The following PTPRM variants were observed in gnomAD, a reference collection of about 807,000 sequenced individuals.
PTPRM encodes the protein protein tyrosine phosphatase receptor type M.
Under a neutral mutation model 186.7 loss-of-function variants are expected in PTPRM, and 47 were observed. That is an observed-to-expected ratio of 0.25 (90% CI 0.20 to 0.32). PTPRM has a LOEUF of 0.32. PTPRM is among the 10% of genes least tolerant of loss of function. PTPRM has a pLI of 1.00. For missense variants in PTPRM, 1,494 were observed against 1,865.0 expected, an observed-to-expected ratio of 0.80 and a Z score of 3.66; for synonymous variants, 668 against 674.9, an observed-to-expected ratio of 0.99 and a Z score of 0.16.
chr18:7,756,767 A>T (rs1349926132), intron 1 of PTPRM, among the ~76,000 whole-genome samples: 1 of 152,156 alleles, frequency 6.6e-6, no homozygotes, highest in African/African-American at 2.4e-5. Flanking sequence ...CTCTGGCATC[A>T]TCTGCTCTGG....
chr18:7,912,605 G>A (rs1254277020), intron 4 of PTPRM, among the ~76,000 whole-genome samples: 2 of 152,004 alleles, frequency 1.3e-5, no homozygotes, highest in East Asian at 1.9e-4. Context: ...TCCGCCTACC[G>A]GGTTCATGCC....
At chr18:8,072,449 G>GT (rs1418150835) in intron 8 of PTPRM, among the ~76,000 whole-genome samples, 3 of 151,982 alleles carry the variant, frequency 2.0e-5, no homozygotes, top group Non-Finnish European at 2.9e-5. Flanking sequence ...AAAATCTATT[G>GT]TTTTCCTAGC....
At chr18:7,707,104 C>T (rs1449341431) in intron 1 of PTPRM, among the ~76,000 whole-genome samples, 2 of 152,040 alleles carry the variant, frequency 1.3e-5, no homozygotes, top group African/African-American at 2.4e-5. Flanking sequence ...TTTTTAAAAC[C>T]TGCCTCATGT....
chr18:8,152,049 C>T (rs1265919280), intron 14 of PTPRM, among the ~76,000 whole-genome samples: 1 of 152,182 alleles, frequency 6.6e-6, no homozygotes, highest in East Asian at 1.9e-4. Flanking sequence ...AGAAATCACC[C>T]ACCTTCTGTG....
chr18:7,990,499 C>A (rs74942303), intron 7 of PTPRM, among the ~76,000 whole-genome samples: 2 of 152,106 alleles, frequency 1.3e-5, no homozygotes, highest in South Asian at 2.1e-4. Flanking sequence ...TAACTACTTA[C>A]AAATATTAAA....
chr18:7,656,549 A>G (rs1443977394), intron 1 of PTPRM, among the ~76,000 whole-genome samples: 3 of 152,106 alleles, frequency 2.0e-5, no homozygotes, highest in African/African-American at 7.2e-5. Flanking sequence ...TGTGAATTTT[A>G]TGTTATTTGT....
At chr18:8,216,245 A>G (rs1166119181) in intron 14 of PTPRM, among the ~76,000 whole-genome samples, 3 of 151,942 alleles carry the variant, frequency 2.0e-5, no homozygotes, top group Admixed American at 6.6e-5. Context: ...CTGTTTATGC[A>G]TATCCTCTGT....
intron 7 of PTPRM, among the ~76,000 whole-genome samples, chr18:7,976,882 C>T (rs77638501): frequency 6.7e-6 from 1 of 149,672 alleles, no homozygotes; most frequent in Non-Finnish European, 1.5e-5. Context: ...TTGTTAAGTA[C>T]TATCAGTCAG....
At chr18:8,288,450 G>T (rs1393788932) in intron 19 of PTPRM, among the ~76,000 whole-genome samples, 1 of 152,130 alleles carries the variant, frequency 6.6e-6, no homozygotes, top group Non-Finnish European at 1.5e-5. Flanking sequence ...GCCAAGAAAG[G>T]GTTGAATATC....
At chr18:7,803,845 G>A (rs148023846) in intron 2 of PTPRM, among the ~76,000 whole-genome samples, 28 of 152,212 alleles carry the variant, frequency 1.8e-4, no homozygotes, top group Admixed American at 9.8e-4. Context: ...ACTATAAATT[G>A]AAGCTAATTA....
chr18:7,690,073 T>C (rs2039700334), intron 1 of PTPRM, among the ~76,000 whole-genome samples: 1 of 152,224 alleles, frequency 6.6e-6, no homozygotes, highest in East Asian at 1.9e-4. Context: ...CATAAAGACC[T>C]TTTAATAACA....
At chr18:8,226,148 TA>T (rs10710447) in intron 14 of PTPRM, among the ~76,000 whole-genome samples, 67,745 of 150,980 alleles carry the variant, frequency 0.45, 15,713 homozygotes, top group African/African-American at 0.57. Context: ...AATGTGTGGT[TA>T]AAAAAAAAAT....
intron 5 of PTPRM, among the ~76,000 whole-genome samples, chr18:7,945,897 C>T (rs2052491055): frequency 6.6e-6 from 1 of 152,182 alleles, no homozygotes; most frequent in African/African-American, 2.4e-5. Context: ...GTGTGATTTG[C>T]TATTCCTGTG....
chr18:7,579,082 G>A (rs1251759251), intron 1 of PTPRM, among the ~76,000 whole-genome samples: 1 of 152,178 alleles, frequency 6.6e-6, no homozygotes, highest in Admixed American at 6.5e-5. Flanking sequence ...ATGTGGTTAT[G>A]TATGTCTAGA....
At chr18:8,378,995 G>A (rs923626185) in intron 27 of PTPRM, among the ~76,000 whole-genome samples, 172 bp from the exon 28 acceptor site, 1 of 151,554 alleles carries the variant, frequency 6.6e-6, no homozygotes. Context: ...GTCAGTGGAC[G>A]AAATCCAAGG....
Position 8,202,696 on chromosome 18 carries a change from C to T in PTPRM, c.2301-41362C>T, listed in dbSNP as rs149362859. 2.9e-3 allele frequency among the ~76,000 whole-genome samples: 447 copies of T among 152,110 alleles called. 3 individuals carry two copies. Among genetic ancestry groups the T allele is most frequent in the African/African-American group, 0.01 (434 of 41,484 alleles). On this transcript the variant is annotated intron_variant, in intron 14 of 32. Transcript: ENST00000580170. The stretch of plus-strand genomic sequence containing the variant: ...ACTGTCTACCATCTCAGTTCCTTAC[C>T]TCATCGCAGCTTTTTATTTCTTTAC...
chr18:8,002,531 G>C lies in PTPRM; in HGVS notation c.1132+47117G>C, dbSNP rs140740003. Among the ~76,000 whole-genome samples the C allele has an allele frequency of 3.9e-5, 6 of 152,288 alleles. No individual in the cohort carries two copies. In the East Asian group the frequency reaches 1.2e-3, roughly 29 times the overall value. ...ATCCATGACTCTGGGAGAAGATGGGGACCCTGTTTTCTCCACCATTGTGAG... is the reference window on the plus strand; with the variant it reads ...ATCCATGACTCTGGGAGAAGATGGGCACCCTGTTTTCTCCACCATTGTGAG... On this transcript the variant is annotated intron_variant, in intron 7 of 32. Coordinates refer to ENST00000580170, the MANE Select transcript of PTPRM (RefSeq NM_001105244.2).
intron 5 of PTPRM, among the ~76,000 whole-genome samples, chr18:7,938,691 T>G (rs1335530951): frequency 6.6e-6 from 1 of 152,222 alleles, no homozygotes; most frequent in African/African-American, 2.4e-5. Context: ...ACAGGTTTAT[T>G]AAATGATGTT....
intron 7 of PTPRM, among the ~76,000 whole-genome samples, chr18:7,984,969 A>ATAC (rs2082812102): frequency 8.4e-6 from 1 of 119,200 alleles, no homozygotes; most frequent in African/African-American, 4.0e-5. Flanking sequence ...ATATACATAT[A>ATAC]ATTATATATA....
Sources: allele counts gnomAD v4.1 joint callset (sites outside exome capture counted in the v4.1 genomes callset), GRCh38; gene constraint gnomAD v4.1.1; transcripts MANE v1.5; gene names NCBI Gene and HGNC (gene_info 2026-07-23, HGNC 2026-07-21).